Variants in N4BP2L2 observed in about 807,000 individuals in gnomAD.
N4BP2L2 encodes NEDD4-binding protein 2-like 2.
A neutral mutation model predicts 56.2 loss-of-function variants in N4BP2L2; 50 were observed. The observed-to-expected ratio is 0.89, with a 90% CI of 0.71 to 1.13. The LOEUF (loss-of-function observed/expected upper bound fraction) is 1.13, where lower values mean the gene tolerates loss of function less well. Ranked by LOEUF, N4BP2L2 falls within the 50% of genes most tolerant of loss-of-function variation. The pLI, the probability that N4BP2L2 is intolerant of heterozygous loss-of-function variation, is 0.00. For missense variants in N4BP2L2, 689 were observed against 693.8 expected (o/e 0.99, Z 0.08); for synonymous variants, 203 against 223.6 (o/e 0.91, Z 0.82).
At chr13:32,441,529 C>T (rs992967584) in intron 7 of N4BP2L2, among the ~76,000 whole-genome samples, 1 of 150,800 alleles carries the variant, frequency 6.6e-6, no homozygotes, top group Non-Finnish European at 1.5e-5. Context: ...ACTAATAATA[C>T]AAAAATTAGC....
At chr13:32,453,360 C>A (rs547389223) in intron 6 of N4BP2L2, among the ~76,000 whole-genome samples, 1 of 152,102 alleles carries the variant, frequency 6.6e-6, no homozygotes, top group South Asian at 2.1e-4. Flanking sequence ...CAGGAAAGAA[C>A]TGTCAGAATC....
At chr13:32,436,876 T>C (rs991854091) in intron 8 of N4BP2L2, among the ~76,000 whole-genome samples, 2 of 149,156 alleles carry the variant, frequency 1.3e-5, no homozygotes, top group African/African-American at 4.9e-5. Context: ...ATTTATTTAT[T>C]TATTTATTTA....
intron 6 of N4BP2L2, among the ~76,000 whole-genome samples, chr13:32,486,601 G>A (rs968745503): frequency 7.9e-5 from 12 of 151,966 alleles, no homozygotes; most frequent in Admixed American, 4.6e-4. Context: ...GCTTGAACCC[G>A]GGAGGCAAAA....
exon 7 of N4BP2L2, chr13:32,442,883 C>G (rs747346315): frequency 1.2e-6 from 2 of 1,613,016 alleles, no homozygotes; most frequent in Non-Finnish European, 1.7e-6. Context: ...GGATGATGAT[C>G]AAAGGTCATA....
exon 6 of N4BP2L2, chr13:32,515,006 C>G (rs1205231252): frequency 6.6e-6 from 1 of 152,032 alleles, no homozygotes; most frequent in African/African-American, 2.4e-5. Flanking sequence ...GGTATGGTGG[C>G]GAGTGCCTCT....
intron 6 of N4BP2L2, among the ~76,000 whole-genome samples, chr13:32,495,846 G>A (rs2088468074): frequency 6.6e-6 from 1 of 152,056 alleles, no homozygotes. Context: ...ACCATGCCCA[G>A]GTAATTTTTG....
At chr13:32,512,386 C>CTG (rs1459343285) in exon 6 of N4BP2L2, 4 of 152,176 alleles carry the variant, frequency 2.6e-5, no homozygotes, top group South Asian at 4.1e-4. Context: ...CAGACTGTGC[C>CTG]TGTGTCCATC....
At chr13:32,484,140 T>C (rs1287936315) in intron 6 of N4BP2L2, among the ~76,000 whole-genome samples, 1 of 149,826 alleles carries the variant, frequency 6.7e-6, no homozygotes, top group Non-Finnish European at 1.5e-5. Flanking sequence ...CTGGGCATTA[T>C]GGCAAAACCC....
downstream of N4BP2L2, chr13:32,508,116 TAAG>T (rs1240095835): frequency 6.6e-6 from 1 of 152,124 alleles, no homozygotes. Context: ...AGTAGTCAAA[TAAG>T]AAGAGCAGTG....
intron 6 of N4BP2L2, among the ~76,000 whole-genome samples, chr13:32,446,793 C>G (rs2077119084): frequency 6.6e-6 from 1 of 152,200 alleles, no homozygotes; most frequent in Non-Finnish European, 1.5e-5. Flanking sequence ...AAAGATGTTA[C>G]ACTTATTATG....
At chr13:32,527,200 A>G (rs1389170914) in intron 3 of N4BP2L2, 2 of 510,958 alleles carry the variant, frequency 3.9e-6, no homozygotes, top group Non-Finnish European at 6.9e-6. Flanking sequence ...CGTTTTATCT[A>G]AATTCTCTGC....
At chr13:32,498,612 G>C (rs1051808096) in intron 6 of N4BP2L2, among the ~76,000 whole-genome samples, 2 of 151,992 alleles carry the variant, frequency 1.3e-5, no homozygotes, top group East Asian at 3.9e-4. Context: ...AAAGTGCTGG[G>C]ATTACAGGTG....
chr13:32,451,102 G>C (rs1186968966), intron 6 of N4BP2L2, among the ~76,000 whole-genome samples: 2 of 151,968 alleles, frequency 1.3e-5, no homozygotes, highest in African/African-American at 4.8e-5. Context: ...CACACAACTG[G>C]AGAAGTTACA....
intron 9 of N4BP2L2, among the ~76,000 whole-genome samples, chr13:32,435,061 C>T (rs1298110199): frequency 1.3e-5 from 2 of 152,266 alleles, no homozygotes; most frequent in Middle Eastern, 3.4e-3. Context: ...AGGGGAACTT[C>T]ACTCACTATA....
At chr13:32,521,276 G>T in intron 5 of N4BP2L2, 97 bp downstream of exon 5, 1 of 984,422 alleles carries the variant, frequency 1.0e-6, no homozygotes. Flanking sequence ...TCAGTTTCCT[G>T]AACCTACATT....
chr13:32,463,280 G>A (rs1029250364), intron 6 of N4BP2L2, among the ~76,000 whole-genome samples: 5 of 152,052 alleles, frequency 3.3e-5, no homozygotes, highest in African/African-American at 1.2e-4. Flanking sequence ...CAAACAAAAA[G>A]GAATGAAGAA....
intron 2 of N4BP2L2, among the ~76,000 whole-genome samples, chr13:32,534,156 A>G (rs2140312280): frequency 6.6e-6 from 1 of 152,368 alleles, no homozygotes; most frequent in East Asian, 1.9e-4. Flanking sequence ...AATACTCTGT[A>G]AATTGTGAAT....
At chr13:32,435,796 G>GA (rs1236050028) in intron 9 of N4BP2L2, among the ~76,000 whole-genome samples, 1 of 151,994 alleles carries the variant, frequency 6.6e-6, no homozygotes, top group Non-Finnish European at 1.5e-5. Flanking sequence ...AAGTTAAAAT[G>GA]AAAAAACGTA....
chr13:32,440,431 T>C (rs563719928), intron 7 of N4BP2L2, among the ~76,000 whole-genome samples: 114 of 152,298 alleles, frequency 7.5e-4, no homozygotes, highest in South Asian at 5.2e-3. Flanking sequence ...CTGGGATAAA[T>C]ATCATAAAGA....
Sources: allele counts gnomAD v4.1 joint callset (sites outside exome capture counted in the v4.1 genomes callset), GRCh38; gene constraint gnomAD v4.1.1; transcripts MANE v1.5; gene names NCBI Gene and HGNC (gene_info 2026-07-23, HGNC 2026-07-21).